The following PCDH9 variants were observed in gnomAD, a reference collection of about 807,000 sequenced individuals.
PCDH9 encodes protocadherin-9.
In PCDH9, 24 loss-of-function variants were observed where a neutral mutation model predicts 70.6. That is an observed-to-expected ratio of 0.34 (90% CI 0.25 to 0.48). PCDH9 has a LOEUF of 0.48. Among genes scored for constraint, PCDH9 ranks in the 20% least tolerant of loss-of-function variants. PCDH9 has a pLI of 0.99. For missense variants in PCDH9, 1,281 were observed against 1,503.6 expected (o/e 0.85, Z 2.45); for synonymous variants, 562 against 558.5 (o/e 1.01, Z -0.09).
intron 3 of PCDH9, among the ~76,000 whole-genome samples, chr13:66,815,809 A>G (rs2080593494): frequency 6.6e-6 from 1 of 152,182 alleles, no homozygotes; most frequent in Non-Finnish European, 1.5e-5. Flanking sequence ...CTACCTATCA[A>G]GTACTGTGCT....
rs149947224 is a variant in PCDH9, at chr13:66,722,705, C to G, written c.3139-91294G>C. 2.1e-3 allele frequency among the ~76,000 whole-genome samples: 317 copies of G among 152,240 alleles called. 1 individual carries two copies. The highest frequency in any genetic ancestry group is 7.5e-3 in the African/African-American group (310 of 41,548). ...CCTATGTGCCGGGCGCGGTGGCTCA[C>G]GCCTGTAATCCCAGCACTTTGGGAG... On this transcript the variant is annotated intron_variant, in intron 3 of 4. Coordinates refer to ENST00000377865, the MANE Select transcript of PCDH9 (RefSeq NM_203487.3).
At chr13:66,893,554 G>A (rs2082128962) in intron 3 of PCDH9, among the ~76,000 whole-genome samples, 1 of 152,090 alleles carries the variant, frequency 6.6e-6, no homozygotes, top group Non-Finnish European at 1.5e-5. Flanking sequence ...GTGTTTTAAA[G>A]AAATATATGA....
chr13:66,741,944 T>A (rs1469239957), intron 3 of PCDH9, among the ~76,000 whole-genome samples: 3 of 150,112 alleles, frequency 2.0e-5, no homozygotes, highest in Admixed American at 2.0e-4. Flanking sequence ...GTCAATGCCA[T>A]CCCCATCAAG....
At chr13:66,424,667 A>G (rs1474025863) in intron 4 of PCDH9, among the ~76,000 whole-genome samples, 1 of 151,974 alleles carries the variant, frequency 6.6e-6, no homozygotes, top group African/African-American at 2.4e-5. Context: ...TATTCCTTGT[A>G]CACTGGCCAA....
intron 2 of PCDH9, among the ~76,000 whole-genome samples, chr13:67,027,259 C>A (rs888782523): frequency 6.6e-6 from 1 of 152,122 alleles, no homozygotes; most frequent in African/African-American, 2.4e-5. Flanking sequence ...GAAATAACGC[C>A]GCATATCCAC....
chr13:66,713,623 G>GTATATATATATATATATATATATATA (rs762817724), intron 3 of PCDH9, among the ~76,000 whole-genome samples: 36 of 92,998 alleles, frequency 3.9e-4, no homozygotes, highest in Middle Eastern at 6.3e-3. Flanking sequence ...GTGTGTGTGT[G>GTATATATATATATATATATATATATA]TGTATATATA....
intron 2 of PCDH9, among the ~76,000 whole-genome samples, chr13:67,026,206 T>C (rs1003022513): frequency 6.6e-6 from 1 of 152,168 alleles, no homozygotes; most frequent in Non-Finnish European, 1.5e-5. Flanking sequence ...CACTTGATCA[T>C]GGTGGATAAG....
chr13:67,198,934 T>G (rs1311282305), intron 2 of PCDH9, among the ~76,000 whole-genome samples: 1 of 151,788 alleles, frequency 6.6e-6, no homozygotes, highest in South Asian at 2.1e-4. Context: ...AGAATACTTA[T>G]TAATGTTAAT....
At chr13:66,889,084 G>C (rs2082054624) in intron 3 of PCDH9, among the ~76,000 whole-genome samples, 1 of 152,160 alleles carries the variant, frequency 6.6e-6, no homozygotes, top group African/African-American at 2.4e-5. Context: ...TAAAGTCTAT[G>C]GTCTGGTTAT....
At position 66,345,990 on chromosome 13, in the gene PCDH9, A is replaced by G. The variant is rs1452804348; in HGVS notation, c.3341-40962T>C. ...TAAAACAGGATATCTTTTTCCAAGA[A>G]ATAAATTAGTGTACTCTTTTCCTCG... is the stretch of plus-strand genomic sequence containing the variant. On this transcript the variant is annotated intron_variant, in intron 4 of 4. Transcript: ENST00000377865. 2.0e-5 allele frequency among the ~76,000 whole-genome samples: 3 copies of G among 152,194 alleles called. No individual in the cohort carries two copies. In the East Asian group the frequency reaches 5.8e-4, roughly 29 times the overall value.
intron 4 of PCDH9, among the ~76,000 whole-genome samples, chr13:66,381,042 A>G (rs113701805): frequency 1.7e-4 from 26 of 152,276 alleles, no homozygotes; most frequent in African/African-American, 5.8e-4. Context: ...TAGTTACCCC[A>G]TCTTTACTCT....
intron 4 of PCDH9, among the ~76,000 whole-genome samples, chr13:66,485,919 G>A (rs1158407348): frequency 2.0e-5 from 3 of 151,678 alleles, no homozygotes; most frequent in Non-Finnish European, 4.4e-5. Flanking sequence ...CTAGAGATGG[G>A]GTTTCACCAT....
chr13:66,313,011 A>AG (rs1228535106), intron 4 of PCDH9, among the ~76,000 whole-genome samples: 1 of 152,226 alleles, frequency 6.6e-6, no homozygotes, highest in Admixed American at 6.5e-5. Flanking sequence ...CTAAGAATGA[A>AG]GAGCATTTCC....
intron 2 of PCDH9, among the ~76,000 whole-genome samples, chr13:67,028,529 T>C (rs2084837387): frequency 6.6e-6 from 1 of 151,882 alleles, no homozygotes; most frequent in African/African-American, 2.4e-5. Context: ...GTAACTAACC[T>C]GTACATTGTG....
intron 3 of PCDH9, among the ~76,000 whole-genome samples, chr13:66,785,289 C>T (rs1028379184): frequency 9.9e-5 from 15 of 151,746 alleles, no homozygotes; most frequent in Non-Finnish European, 2.1e-4. Flanking sequence ...ATCTATTATG[C>T]CTCTAGAAAA....
At chr13:66,770,627 T>C (rs1035923813) in intron 3 of PCDH9, among the ~76,000 whole-genome samples, 1 of 152,112 alleles carries the variant, frequency 6.6e-6, no homozygotes, top group African/African-American at 2.4e-5. Context: ...GAAATACAAG[T>C]GTGAGTAATT....
chr13:67,015,072 T>A (rs140272551), intron 2 of PCDH9, among the ~76,000 whole-genome samples: 1 of 152,264 alleles, frequency 6.6e-6, no homozygotes, highest in Non-Finnish European at 1.5e-5. Context: ...GGATACTCCA[T>A]ATTTGTAACG....
chr13:67,081,749 C>A (rs1472559982), intron 2 of PCDH9, among the ~76,000 whole-genome samples: 3 of 152,244 alleles, frequency 2.0e-5, no homozygotes, highest in Non-Finnish European at 4.4e-5. Flanking sequence ...AAAATCCTGT[C>A]CTACCTTTAG....
chr13:66,755,613 G>A (rs557612719), intron 3 of PCDH9, among the ~76,000 whole-genome samples: 17 of 151,866 alleles, frequency 1.1e-4, no homozygotes, highest in African/African-American at 2.2e-4. Flanking sequence ...GGTGTGGGGT[G>A]GGGGGGCATC....
Sources: allele counts gnomAD v4.1 joint callset (sites outside exome capture counted in the v4.1 genomes callset), GRCh38; gene constraint gnomAD v4.1.1; transcripts MANE v1.5; gene names NCBI Gene and HGNC (gene_info 2026-07-23, HGNC 2026-07-21).